Variants in NLGN1 observed in about 807,000 individuals in gnomAD.
NLGN1 encodes neuroligin 1.
NLGN1 carries 12 observed loss-of-function variants against 65.5 expected under a neutral mutation model. That is an observed-to-expected ratio of 0.18 (90% CI 0.12 to 0.30). NLGN1 has a LOEUF of 0.30. Among genes scored for constraint, NLGN1 ranks in the 10% least tolerant of loss-of-function variants. The pLI is 1.00. For missense variants in NLGN1, 750 were observed against 1,007.1 expected (o/e 0.74, Z 3.46); for synonymous variants, 350 against 359.5 (o/e 0.97, Z 0.30).
chr3:173,763,728 A>T (rs949625378), intron 3 of NLGN1, among the ~76,000 whole-genome samples: 5 of 152,040 alleles, frequency 3.3e-5, no homozygotes, highest in Non-Finnish European at 7.4e-5. Context: ...GGGAGGTATG[A>T]GGAAGAAAAA....
Position 174,279,753 on chromosome 3 carries a change from C to T in NLGN1, c.1649+103C>T. The T allele has an allele frequency of 1.5e-6, 1 of 667,708 alleles. No individual in the cohort carries two copies. Among genetic ancestry groups the T allele is most frequent in the Admixed American group, 3.1e-5 (1 of 32,608 alleles). The allele number at this position is 667,708 out of a possible 1,614,324, so 41.4% of individuals were successfully genotyped here. A position where few individuals can be genotyped will look rare whatever the true frequency, so the allele number is the denominator to read the frequency against. Reference sequence around the variant, plus strand: ...CAGATAATGTCATATTGGATTAATACCTGCAAGATATTACATTCCTTTATT... The same window carrying T: ...CAGATAATGTCATATTGGATTAATATCTGCAAGATATTACATTCCTTTATT... On this transcript the variant is annotated intron_variant, in intron 6 of 6. Transcript: ENST00000457714. This position sits in a 1 kb window ranked among gnomAD's most constrained non-coding sequence, Gnocchi z 4.7.
chr3:173,859,777 A>G (rs917061974), intron 4 of NLGN1, among the ~76,000 whole-genome samples: 4 of 152,066 alleles, frequency 2.6e-5, no homozygotes, highest in African/African-American at 9.7e-5. Flanking sequence ...TTATTATTCA[A>G]GATTGTTGTT....
At chr3:173,735,301 T>C (rs1773564148) in intron 3 of NLGN1, among the ~76,000 whole-genome samples, 1 of 152,154 alleles carries the variant, frequency 6.6e-6, no homozygotes, top group Non-Finnish European at 1.5e-5. Flanking sequence ...CGTGGGAGTT[T>C]ATTTTCATTC....
chr3:173,636,164 C>G (rs576884605), intron 3 of NLGN1, among the ~76,000 whole-genome samples: 1 of 152,000 alleles, frequency 6.6e-6, no homozygotes, highest in Non-Finnish European at 1.5e-5. Flanking sequence ...AATTAGTTGG[C>G]GAAAGAGGAA....
intron 2 of NLGN1, among the ~76,000 whole-genome samples, chr3:173,549,983 G>T (rs1162134548): frequency 6.6e-6 from 1 of 152,016 alleles, no homozygotes; most frequent in Admixed American, 6.6e-5. Context: ...TTTTCAAAAT[G>T]TAGAAGATGA....
intron 4 of NLGN1, among the ~76,000 whole-genome samples, chr3:174,074,022 A>G (rs1476976983): frequency 6.6e-6 from 1 of 152,214 alleles, no homozygotes; most frequent in Non-Finnish European, 1.5e-5. Flanking sequence ...CAGATACACT[A>G]GCAGAAAGTA....
chr3:173,667,452 GA>G (rs1159976153), intron 3 of NLGN1, among the ~76,000 whole-genome samples: 1 of 152,056 alleles, frequency 6.6e-6, no homozygotes, highest in East Asian at 1.9e-4. Flanking sequence ...CAGATTCCCT[GA>G]AGGTAACATC....
intron 4 of NLGN1, among the ~76,000 whole-genome samples, chr3:174,102,009 T>C (rs1280919967): frequency 1.3e-5 from 2 of 152,180 alleles, no homozygotes; most frequent in Non-Finnish European, 2.9e-5. Flanking sequence ...ACAGAGGGCA[T>C]GATCACCACA....
At chr3:173,600,424 A>G (rs183822702) in intron 2 of NLGN1, among the ~76,000 whole-genome samples, 3 of 152,152 alleles carry the variant, frequency 2.0e-5, no homozygotes, top group Non-Finnish European at 2.9e-5. Flanking sequence ...TGCTTGCACT[A>G]TATAACAAAT....
At chr3:174,042,292 G>A (rs1245613286) in intron 4 of NLGN1, among the ~76,000 whole-genome samples, 1 of 151,910 alleles carries the variant, frequency 6.6e-6, no homozygotes, top group Admixed American at 6.6e-5. Context: ...GCTTTGTCTA[G>A]CTCCAAGCCA....
intron 3 of NLGN1, among the ~76,000 whole-genome samples, chr3:173,793,125 C>A (rs1325467106): frequency 6.6e-6 from 1 of 151,944 alleles, no homozygotes; most frequent in African/African-American, 2.4e-5. Flanking sequence ...TTTGGGTTTG[C>A]CACTATTAAT....
chr3:174,194,849 T>A (rs1033172063), intron 4 of NLGN1, among the ~76,000 whole-genome samples: 2 of 106,552 alleles, frequency 1.9e-5, no homozygotes, highest in African/African-American at 5.8e-5. Context: ...TTCAAGATTT[T>A]TTTTTCTTTT....
chr3:174,186,531 A>C (rs1174041258), intron 4 of NLGN1, among the ~76,000 whole-genome samples: 1 of 152,014 alleles, frequency 6.6e-6, no homozygotes, highest in Non-Finnish European at 1.5e-5. Flanking sequence ...ATTCTGATAC[A>C]TCAGAGTCTG....
intron 1 of NLGN1, among the ~76,000 whole-genome samples, chr3:173,434,264 A>G (rs1270331301): frequency 6.6e-6 from 1 of 152,192 alleles, no homozygotes; most frequent in African/African-American, 2.4e-5. Flanking sequence ...AAAGTATAGC[A>G]AAGTAGATTC....
At chr3:173,847,153 A>G (rs2150714084) in intron 4 of NLGN1, among the ~76,000 whole-genome samples, 1 of 152,362 alleles carries the variant, frequency 6.6e-6, no homozygotes, top group South Asian at 2.1e-4. Context: ...ATGATTAAAG[A>G]GCCACTGTTT....
intron 3 of NLGN1, among the ~76,000 whole-genome samples, chr3:173,655,054 A>C (rs1759785220): frequency 6.6e-6 from 1 of 152,314 alleles, no homozygotes; most frequent in Non-Finnish European, 1.5e-5. Flanking sequence ...GTATTCAATA[A>C]GTTAATACTC....
At chr3:173,631,520 C>A (rs1322618235) in intron 3 of NLGN1, among the ~76,000 whole-genome samples, 1 of 152,112 alleles carries the variant, frequency 6.6e-6, no homozygotes, top group Non-Finnish European at 1.5e-5. Flanking sequence ...CAGAAAGAAA[C>A]AGAGGCTACC....
intron 3 of NLGN1, among the ~76,000 whole-genome samples, chr3:173,749,007 A>G (rs1006133928): frequency 2.0e-5 from 3 of 152,110 alleles, no homozygotes; most frequent in African/African-American, 7.2e-5. Context: ...TATGAAGGAA[A>G]AAAAGCAGAT....
At chr3:174,147,901 T>C (rs1723640717) in intron 4 of NLGN1, among the ~76,000 whole-genome samples, 1 of 152,152 alleles carries the variant, frequency 6.6e-6, no homozygotes, top group Non-Finnish European at 1.5e-5. Flanking sequence ...ATGAATATTA[T>C]TATACTTTAA....
Sources: allele counts gnomAD v4.1 joint callset (sites outside exome capture counted in the v4.1 genomes callset), GRCh38; gene constraint gnomAD v4.1.1; non-coding constraint Gnocchi (gnomAD v3.1); transcripts MANE v1.5; gene names NCBI Gene and HGNC (gene_info 2026-07-23, HGNC 2026-07-21).